Variants in TPO observed in about 807,000 individuals in gnomAD.
TPO encodes thyroid microsomal antigen.
TPO carries 78 observed loss-of-function variants against 96.9 expected under a neutral mutation model. The observed-to-expected ratio is 0.81, with a 90% CI of 0.67 to 0.97. TPO has a LOEUF of 0.97. Among genes scored for constraint, TPO ranks in the 50% least tolerant of loss-of-function variants. The pLI is 0.00. For missense variants in TPO, 1,252 were observed against 1,274.8 expected (o/e 0.98, Z 0.27); for synonymous variants, 547 against 538.0 (o/e 1.02, Z -0.23).
chr2:1,508,199 G>A (rs537960565), intron 14 of TPO, among the ~76,000 whole-genome samples: 127 of 152,124 alleles, frequency 8.3e-4, no homozygotes, highest in South Asian at 3.3e-3. Context: ...ATCGATTTGC[G>A]TATGTTGAAC....
intron 1 of TPO, among the ~76,000 whole-genome samples, chr2:1,376,331 T>A (rs1289094151): frequency 2.0e-5 from 3 of 151,950 alleles, no homozygotes; most frequent in Non-Finnish European, 2.9e-5. Context: ...GACATTTTGC[T>A]CTTTTAAACA....
chr2:1,452,409 G>A (rs1667388894), intron 5 of TPO, among the ~76,000 whole-genome samples: 1 of 152,210 alleles, frequency 6.6e-6, no homozygotes, highest in South Asian at 2.1e-4. Flanking sequence ...TCTGTCCCAG[G>A]AAATTATTAA....
At chr2:1,503,753 G>T in intron 13 of TPO, 195 bp from the exon 14 acceptor site, 1 of 987,690 alleles carries the variant, frequency 1.0e-6, no homozygotes, top group Non-Finnish European at 1.6e-6. Flanking sequence ...CGTGGCCAGC[G>T]CACATCTGTC....
chr2:1,477,851 G>A (rs1670131719), intron 8 of TPO: 2 of 985,384 alleles, frequency 2.0e-6, no homozygotes, highest in Non-Finnish European at 2.4e-6. Context: ...CGGAGCTGGC[G>A]GCCCTCCGGG....
At chr2:1,449,533 A>G (rs1202028278) in intron 5 of TPO, among the ~76,000 whole-genome samples, 2 of 152,222 alleles carry the variant, frequency 1.3e-5, no homozygotes, top group Non-Finnish European at 2.9e-5. Flanking sequence ...CAATTGCTCA[A>G]AACAGTTTGC....
chr2:1,448,672 G>C (rs1031489099), intron 5 of TPO, among the ~76,000 whole-genome samples: 2 of 152,204 alleles, frequency 1.3e-5, no homozygotes, highest in African/African-American at 4.8e-5. Context: ...TTTTCCACGA[G>C]AGCAGTGGTC....
At chr2:1,481,319 C>T (rs116264911) in intron 8 of TPO, among the ~76,000 whole-genome samples, 1,959 of 152,312 alleles carry the variant, frequency 0.013, 44 homozygotes, top group African/African-American at 0.045. Flanking sequence ...GAGGAGGTAG[C>T]CATCCTCGGG....
At chr2:1,481,832 CTGGT>C (rs1670671631) in intron 8 of TPO, among the ~76,000 whole-genome samples, 1 of 152,180 alleles carries the variant, frequency 6.6e-6, no homozygotes, top group African/African-American at 2.4e-5. Flanking sequence ...ACAAAGTCTC[CTGGT>C]CGTTCCTCTC....
At chr2:1,396,220 C>T (rs963898057) in intron 1 of TPO, among the ~76,000 whole-genome samples, 2 of 152,190 alleles carry the variant, frequency 1.3e-5, no homozygotes, top group Non-Finnish European at 2.9e-5. Context: ...AGGGGTTCCC[C>T]AGGACGGAGG....
At chr2:1,488,087 A>T in intron 10 of TPO, 96 bp downstream of exon 10, 2 of 1,567,404 alleles carry the variant, frequency 1.3e-6, no homozygotes, top group African/African-American at 2.7e-5. Flanking sequence ...AGAGGAAAAC[A>T]ATCACAAATC....
intron 7 of TPO, among the ~76,000 whole-genome samples, chr2:1,466,136 C>G (rs2148635075): frequency 6.6e-6 from 1 of 152,294 alleles, no homozygotes; most frequent in African/African-American, 2.4e-5. Context: ...TTTTATGCAT[C>G]TATCGAGACG....
chr2:1,537,422 C>T (rs1441883060), intron 15 of TPO, among the ~76,000 whole-genome samples: 1 of 138,932 alleles, frequency 7.2e-6, no homozygotes, highest in Non-Finnish European at 1.5e-5. Context: ...TCCCCAAACC[C>T]TCCCATTGTG....
chr2:1,525,909 T>C (rs1573554525), intron 15 of TPO, among the ~76,000 whole-genome samples: 18 of 117,352 alleles, frequency 1.5e-4, no homozygotes, highest in African/African-American at 3.1e-4. Context: ...TGCAACCTCC[T>C]CAAATCCCCC....
At chr2:1,384,164 A>T (rs538535276) in intron 1 of TPO, among the ~76,000 whole-genome samples, 42 of 152,182 alleles carry the variant, frequency 2.8e-4, no homozygotes, top group African/African-American at 6.5e-4. Flanking sequence ...GCCTCCAGCT[A>T]TGTTCTTTGG....
intron 14 of TPO, among the ~76,000 whole-genome samples, chr2:1,516,525 C>T (rs1050196133): frequency 6.6e-5 from 10 of 152,328 alleles, no homozygotes; most frequent in Non-Finnish European, 7.3e-5. Context: ...CTCCAGGGCT[C>T]CCTGGGTCCT....
At chr2:1,486,470 A>G (rs1327588529) in intron 9 of TPO, among the ~76,000 whole-genome samples, 1 of 148,780 alleles carries the variant, frequency 6.7e-6, no homozygotes, top group Non-Finnish European at 1.5e-5. Flanking sequence ...TGGGAGGCAG[A>G]GGGTGCAGGT....
rs545291219 is a variant in TPO, at chr2:1,507,582, C to T, written c.2518+3503C>T. Among the ~76,000 whole-genome samples the T allele has an allele frequency of 2.0e-5, 3 of 152,262 alleles. No homozygotes were observed. The South Asian group carries it at 6.2e-4, about 32-fold the overall frequency. On this transcript the variant is annotated intron_variant, in intron 14 of 16. Coordinates refer to ENST00000329066, the MANE Select transcript of TPO (RefSeq NM_001206744.2). ...CATTGAGCAGTGGTTTGTAGTTCTC[C>T]TTCAAGAGGTCCTTCACATCCCTTG...
chr2:1,401,460 T>A (rs952617230), intron 1 of TPO, among the ~76,000 whole-genome samples: 52 of 152,228 alleles, frequency 3.4e-4, no homozygotes, highest in African/African-American at 1.2e-3. Context: ...GGGCTTTGGT[T>A]TGCTCACTCA....
chr2:1,412,315 G>C (rs1421224011), upstream of TPO, among the ~76,000 whole-genome samples: 2 of 152,184 alleles, frequency 1.3e-5, no homozygotes, highest in Non-Finnish European at 1.5e-5. Context: ...GTTCCCAACA[G>C]TAACTCATCA....
Sources: gnomAD v4.1 joint callset for allele counts (sites outside exome capture counted in the v4.1 genomes callset) on GRCh38, gnomAD v4.1.1 for gene constraint, MANE v1.5 for transcripts, NCBI Gene and HGNC (gene_info 2026-07-23, HGNC 2026-07-21) for gene names.